RBFOX1: variants seen among roughly 807,000 people sequenced by gnomAD.
The protein encoded by RBFOX1 is RNA binding fox-1 homolog 1, also known as RNA binding protein fox-1 homolog 1.
In RBFOX1, 8 loss-of-function variants were observed where a neutral mutation model predicts 57.7. That is an observed-to-expected ratio of 0.14 (90% CI 0.08 to 0.25). The LOEUF (loss-of-function observed/expected upper bound fraction) is 0.25, where lower values mean the gene tolerates loss of function less well. Among genes scored for constraint, RBFOX1 ranks in the 10% least tolerant of loss-of-function variants. The pLI is 1.00. For synonymous variants in RBFOX1, 326 were observed against 222.4 expected (o/e 1.47, Z -4.15); for missense variants, 611 against 548.5 (o/e 1.11, Z -1.14).
chr16:6,339,837 A>AT (rs199506223), intron 2 of RBFOX1, among the ~76,000 whole-genome samples: 2,730 of 150,812 alleles, frequency 0.018, 49 homozygotes, highest in African/African-American at 0.043. Context: ...TGCCCAGCTG[A>AT]TTTTTTTTTA....
chr16:5,715,417 A>G (rs1021213423), intron 3 of RBFOX1, among the ~76,000 whole-genome samples: 1 of 152,218 alleles, frequency 6.6e-6, no homozygotes, highest in Non-Finnish European at 1.5e-5. Flanking sequence ...GACATGCACC[A>G]CATTGAAGGA....
chr16:6,952,951 G>C (rs1410668218), intron 3 of RBFOX1, among the ~76,000 whole-genome samples: 2 of 151,924 alleles, frequency 1.3e-5, no homozygotes, highest in Admixed American at 1.3e-4. Context: ...CCAGCCTGGG[G>C]GACAGAGCAA....
intron 1 of RBFOX1, among the ~76,000 whole-genome samples, chr16:6,276,817 G>T (rs575457461): frequency 2.9e-5 from 1 of 34,128 alleles, no homozygotes; most frequent in Admixed American, 3.5e-4. Context: ...TCTTTTCTTT[G>T]CTTTTTTTTT....
At chr16:6,280,062 C>T (rs72776482) in intron 1 of RBFOX1, among the ~76,000 whole-genome samples, 18,386 of 151,910 alleles carry the variant, frequency 0.12, 1,428 homozygotes, top group Non-Finnish European at 0.16. Flanking sequence ...ACGATTCATC[C>T]TAGAAAAGAC....
At chr16:7,106,027 G>A (rs1466913830) in intron 4 of RBFOX1, among the ~76,000 whole-genome samples, 2 of 152,098 alleles carry the variant, frequency 1.3e-5, no homozygotes, top group Admixed American at 1.3e-4. Flanking sequence ...ACAACTCTCT[G>A]GTGTTCATGG....
At chr16:6,115,057 A>G (rs1041738534) in intron 1 of RBFOX1, among the ~76,000 whole-genome samples, 2 of 152,156 alleles carry the variant, frequency 1.3e-5, no homozygotes, top group Non-Finnish European at 2.9e-5. Context: ...GGAAAGGGGT[A>G]GTAACTTCCA....
At chr16:7,085,523 G>C (rs374744804) in intron 4 of RBFOX1, among the ~76,000 whole-genome samples, 1 of 152,108 alleles carries the variant, frequency 6.6e-6, no homozygotes, top group Non-Finnish European at 1.5e-5. Context: ...CATCCCGGGT[G>C]CCTCCACAGA....
At chr16:5,652,327 G>A (rs1176158652) in intron 3 of RBFOX1, among the ~76,000 whole-genome samples, 4 of 152,134 alleles carry the variant, frequency 2.6e-5, no homozygotes, top group East Asian at 1.9e-4. Flanking sequence ...AGCTCACTAA[G>A]GTTAACTAAT....
chr16:6,608,824 T>C (rs550467092), intron 2 of RBFOX1, among the ~76,000 whole-genome samples: 36 of 152,324 alleles, frequency 2.4e-4, no homozygotes, highest in Admixed American at 2.4e-3. Flanking sequence ...AGATCAGAAG[T>C]CTGCAGTGTG....
rs1179258506 is a variant in RBFOX1, at chr16:6,417,439, G to C, written c.-64+100382G>C. Among the ~76,000 whole-genome samples, 5 of 139,932 alleles carry C rather than the reference G, an allele frequency of 3.6e-5. No individual in the cohort carries two copies. In the South Asian group the frequency reaches 1.1e-3, roughly 32 times the overall value. 91.8% of individuals were successfully genotyped at this position (139,932 alleles called of 152,430 possible). On this transcript the variant is annotated intron_variant, in intron 2 of 15. Coordinates refer to ENST00000550418, the MANE Select transcript of RBFOX1 (RefSeq NM_018723.4). Reference sequence around the variant, plus strand: ...TTTTTTTTTTTTTTTTTTGAGACTGGAGTGCAGTGGCACTGTGTTGGCTCA... The same window carrying C: ...TTTTTTTTTTTTTTTTTTGAGACTGCAGTGCAGTGGCACTGTGTTGGCTCA...
intron 2 of RBFOX1, among the ~76,000 whole-genome samples, chr16:5,560,726 C>G (rs1157343428): frequency 6.6e-6 from 1 of 152,158 alleles, no homozygotes; most frequent in East Asian, 1.9e-4. Context: ...CAAAGTTTGA[C>G]TCTTGGACCT....
chr16:6,982,618 G>A (rs1024572699), intron 3 of RBFOX1, among the ~76,000 whole-genome samples: 2 of 152,174 alleles, frequency 1.3e-5, no homozygotes, highest in African/African-American at 4.8e-5. Context: ...CAGGAGCTGA[G>A]CAAAGCCCTT....
Position 6,487,142 on chromosome 16 carries a change from T to TTCTGTGTGTGTGTGTG in RBFOX1, c.-63-167459_-63-167444dup, listed in dbSNP as rs1330228684. Among the ~76,000 whole-genome samples the TTCTGTGTGTGTGTGTG allele has an allele frequency of 7.5e-4, 77 of 102,574 alleles. 1 individual carries two copies. The highest frequency in any genetic ancestry group is 3.5e-3 in the African/African-American group (74 of 21,428). The allele number at this position is 102,574 out of a possible 152,430, so 67.3% of individuals were successfully genotyped here. ...GTGGGGTTTCAGTAAGTTGTGGGGT[T>TTCTGTGTGTGTGTGTG]TCTGTGTGTGTGTGTGTGTGTGTGT... is the stretch of plus-strand genomic sequence containing the variant. On this transcript the variant is annotated intron_variant, in intron 2 of 15. Coordinates refer to ENST00000550418, the MANE Select transcript of RBFOX1 (RefSeq NM_018723.4).
chr16:5,897,137 G>A (rs946528583), intron 4 of RBFOX1, among the ~76,000 whole-genome samples: 2 of 147,596 alleles, frequency 1.4e-5, no homozygotes, highest in East Asian at 2.1e-4. Context: ...CCGGGTTCAA[G>A]CGATTCTCCC....
intron 1 of RBFOX1, among the ~76,000 whole-genome samples, chr16:5,341,727 C>G (rs143170338): frequency 3.4e-4 from 52 of 152,294 alleles, no homozygotes; most frequent in African/African-American, 1.1e-3. Flanking sequence ...TACAGCTGGC[C>G]TTGACCGAGC....
chr16:5,878,729 C>T (rs1197738539), intron 4 of RBFOX1, among the ~76,000 whole-genome samples: 2 of 152,098 alleles, frequency 1.3e-5, no homozygotes, highest in Non-Finnish European at 2.9e-5. Flanking sequence ...CTGGCTTCCT[C>T]TGTTGAGCTA....
intron 3 of RBFOX1, among the ~76,000 whole-genome samples, chr16:6,944,855 C>T (rs2079188125): frequency 6.6e-6 from 1 of 152,126 alleles, no homozygotes; most frequent in East Asian, 1.9e-4. Context: ...CAATTAGCAA[C>T]TCCAATTGAT....
intron 1 of RBFOX1, among the ~76,000 whole-genome samples, chr16:6,278,537 G>GA (rs981353181): frequency 2.0e-5 from 3 of 151,538 alleles, no homozygotes; most frequent in Non-Finnish European, 1.5e-5. Context: ...ACCCAAAGAA[G>GA]AAAAAAATAA....
In RBFOX1 at chr16:7,628,479, C is replaced by G. The variant is rs142497772; in HGVS notation, c.677-2124C>G. ...TCTTTCCTGGTAGGTAGCTTGCCTCCCCTTGCTTGGTTTCATATCCCAATC... is the reference window on the plus strand; with the variant it reads ...TCTTTCCTGGTAGGTAGCTTGCCTCGCCTTGCTTGGTTTCATATCCCAATC... On this transcript the variant is annotated intron_variant, in intron 10 of 15. Coordinates refer to ENST00000550418, the MANE Select transcript of RBFOX1 (RefSeq NM_018723.4). Among the ~76,000 whole-genome samples the G allele has an allele frequency of 6.6e-5, 10 of 152,208 alleles. No individual in the cohort carries two copies. The East Asian group carries it at 1.9e-3, about 29-fold the overall frequency.
Sources: gnomAD v4.1 joint callset for allele counts (sites outside exome capture counted in the v4.1 genomes callset) on GRCh38, gnomAD v4.1.1 for gene constraint, MANE v1.5 for transcripts, NCBI Gene and HGNC (gene_info 2026-07-23, HGNC 2026-07-21) for gene names.